PRRC2B: variants seen among roughly 807,000 people sequenced by gnomAD.
PRRC2B encodes the protein protein PRRC2B.
In PRRC2B, 68 loss-of-function variants were observed where a neutral mutation model predicts 242.3. The observed-to-expected ratio is 0.28, with a 90% confidence interval of 0.23 to 0.34. The LOEUF (loss-of-function observed/expected upper bound fraction) is 0.34. Ranked by LOEUF, PRRC2B falls within the 10% of genes least tolerant of loss-of-function variation. The pLI, the probability that PRRC2B is intolerant of heterozygous loss-of-function variation, is 1.00. For missense variants in PRRC2B, 2,835 were observed against 2,954.8 expected, an observed-to-expected ratio of 0.96 and a Z score of 0.94; for synonymous variants, 1,228 against 1,173.6, an observed-to-expected ratio of 1.05 and a Z score of -0.95.
At chr9:131,459,727 C>T (rs76436746) in intron 11 of PRRC2B, among the ~76,000 whole-genome samples, 8,624 of 152,062 alleles carry the variant, frequency 0.057, 329 homozygotes, top group Admixed American at 0.11. Context: ...TTTGTAGAGA[C>T]GAGGTCTTAC....
At chr9:131,422,082 G>T (rs898129955) in intron 1 of PRRC2B, among the ~76,000 whole-genome samples, 4 of 152,096 alleles carry the variant, frequency 2.6e-5, no homozygotes, top group Middle Eastern at 3.4e-3. Flanking sequence ...TAAGATGGGT[G>T]TCTCACTCTG....
intron 13 of PRRC2B, among the ~76,000 whole-genome samples, chr9:131,470,522 C>T (rs1263963273): frequency 6.6e-6 from 1 of 152,138 alleles, no homozygotes; most frequent in Non-Finnish European, 1.5e-5. Flanking sequence ...GAAAACCTAG[C>T]CTGTCTCGTG....
chr9:131,413,143 A>G (rs1837548614), intron 1 of PRRC2B, among the ~76,000 whole-genome samples: 1 of 152,208 alleles, frequency 6.6e-6, no homozygotes, highest in Admixed American at 6.5e-5. Flanking sequence ...GTATGCTTAT[A>G]CTGGTCCAAG....
At position 131,430,500 on chromosome 9, in the gene PRRC2B, TATAGATATCTATAG is replaced by T. The variant is rs1298150979; in HGVS notation, c.115+249_115+262del. Among the ~76,000 whole-genome samples, 6 of 57,492 alleles carry T rather than the reference TATAGATATCTATAG, an allele frequency of 1.0e-4. No individual in the cohort carries two copies. In the East Asian group the frequency reaches 0.021, roughly 200 times the overall value. 37.7% of individuals were successfully genotyped at this position (57,492 alleles called of 152,430 possible). ...CTTATTGAAGCTGGGGAGATATATC[TATAGATATCTATAG>T]ATAGATAGATAGATATCTATCTATA... On this transcript the variant is annotated intron_variant, in intron 2 of 31. Coordinates refer to ENST00000683519, the MANE Select transcript of PRRC2B (RefSeq NM_013318.4).
intron 1 of PRRC2B, among the ~76,000 whole-genome samples, chr9:131,376,357 A>C (rs1414645536): frequency 2.0e-5 from 3 of 151,526 alleles, no homozygotes; most frequent in African/African-American, 7.3e-5. Flanking sequence ...CCATCTCAAA[A>C]AAAAAAAAAA....
chr9:131,447,664 A>G lies in PRRC2B; in HGVS notation c.980A>G (p.Lys327Arg), dbSNP rs1217980877. 2.5e-6 allele frequency: 4 copies of G among 1,592,308 alleles called. No individual in the cohort carries two copies. In the Admixed American group the frequency reaches 7.1e-5, roughly 28 times the overall value. The change falls in exon 9 of 32, where the codon AAA becomes AGA. Residue 327 changes from lysine (K) to arginine (R), a missense_variant and splice_region_variant. Lys to Arg is a conservative substitution (Grantham distance 26). This residue lies in a region of PRRC2B where 626 missense variants were observed against 685.5 expected (regional missense o/e 0.91). Coordinates refer to ENST00000683519, the MANE Select transcript of PRRC2B (RefSeq NM_013318.4). ...RQFQMNDQDG[K>R]ENRLGLSRPL... is the part of the protein sequence containing the mutation. ...TCCATCATCTTTTCTTTTATCAGAA[A>G]AGAAAACAGGCTGGGATTGTCTCGC... is the stretch of plus-strand genomic sequence containing the variant.
rs1944071491 is a variant in PRRC2B at position 131,487,867 on chromosome 9, A to G, written c.5996A>G (p.Tyr1999Cys). The G allele has an allele frequency of 1.9e-6, 3 of 1,610,900 alleles. No individual in the cohort carries two copies. The highest frequency in any genetic ancestry group is 2.5e-6 in the Non-Finnish European group (3 of 1,177,488). ...TCTGGCTTTTGCAGATCTCAGGTGT[A>G]CATGCACCCCAGCCTGTCACCGCCC... ...SSLQPFRSQV[Y>C]MHPSLSPPST... Residue 1999 changes from tyrosine to cysteine, a missense_variant, in exon 28 of 32, where the codon TAC (tyrosine) becomes TGC (cysteine). Transcript: ENST00000683519. The surrounding 1 kb of genome is among the most constrained non-coding windows in gnomAD (Gnocchi z 5.3).
intron 19 of PRRC2B, among the ~76,000 whole-genome samples, chr9:131,480,310 A>G (rs1392080339): frequency 1.3e-5 from 2 of 152,246 alleles, no homozygotes; most frequent in Admixed American, 6.5e-5. Context: ...CAAACTACAA[A>G]ATAACATTCA....
At chr9:131,418,077 C>T (rs915451620) in intron 1 of PRRC2B, among the ~76,000 whole-genome samples, 5 of 152,190 alleles carry the variant, frequency 3.3e-5, no homozygotes, top group African/African-American at 7.2e-5. Flanking sequence ...TCCAAAGCCC[C>T]GGAGGCAGAG....
chr9:131,452,017 G>A lies in PRRC2B; in HGVS notation c.1121-3059G>A, dbSNP rs973183021. Reference sequence around the variant, plus strand: ...CTTTTAATGTCTTTGTCAGGTTTTGGTATCAAGTTATGCTGGGCTTATAAA... The same window carrying A: ...CTTTTAATGTCTTTGTCAGGTTTTGATATCAAGTTATGCTGGGCTTATAAA... On this transcript the variant is annotated intron_variant, in intron 9 of 31. Transcript: ENST00000683519. Among the ~76,000 whole-genome samples, 22 of 152,200 alleles carry A rather than the reference G, an allele frequency of 1.4e-4. 1 individual carries two copies. The highest frequency in any genetic ancestry group is 4.8e-4 in the African/African-American group (20 of 41,530).
At chr9:131,389,749 T>C (rs187178238), upstream of PRRC2B, among the ~76,000 whole-genome samples, 8 of 149,804 alleles carry the variant, frequency 5.3e-5, no homozygotes, top group African/African-American at 1.5e-4. Flanking sequence ...ACCATGGAGA[T>C]TGAGTGCTTA....
At chr9:131,403,223 G>A (rs1023157838) in intron 1 of PRRC2B, among the ~76,000 whole-genome samples, 8 of 152,190 alleles carry the variant, frequency 5.3e-5, no homozygotes, top group Non-Finnish European at 1.2e-4. Flanking sequence ...GACTGAATGG[G>A]CCAAGTGTTC....
At position 131,482,289 on chromosome 9, in the gene PRRC2B, G is replaced by A; in HGVS notation, c.4984-82G>A. On this transcript the variant is annotated intron_variant, in intron 20 of 31. Coordinates refer to ENST00000683519, the MANE Select transcript of PRRC2B (RefSeq NM_013318.4). The surrounding 1 kb of genome is among the most constrained non-coding windows in gnomAD (Gnocchi z 5.2). Reference sequence around the variant, plus strand: ...AGGGACAGGCAGCTGGGGTAGAAAAGTCTCTGTGCCACATGCAGTTTTACT... The same window carrying A: ...AGGGACAGGCAGCTGGGGTAGAAAAATCTCTGTGCCACATGCAGTTTTACT... 1 of 1,438,382 alleles carries A rather than the reference G, an allele frequency of 7.0e-7. No homozygotes were observed. The highest frequency in any genetic ancestry group is 9.4e-7 in the Non-Finnish European group (1 of 1,063,694). 89.1% of individuals were successfully genotyped at this position (1,438,382 alleles called of 1,614,324 possible).
At position 131,447,162 on chromosome 9, in the gene PRRC2B, A is replaced by C. The variant is rs1362763015; in HGVS notation, c.933A>C (p.Glu311Asp). ...GSFPLPQLRL[E>D]PRVPFRQFQM... ...TTCCCCTTCCTCAGCTCCGCCTTGA[A>C]CCTCGAGTTCCTTTTAGACAGTTCC... Residue 311 changes from glutamate to aspartate, a missense_variant, in exon 8 of 32, where the codon GAA becomes GAC. Around this residue, in one of 7 missense-constraint regions of PRRC2B, gnomAD observed 626 missense variants for 685.5 expected, o/e 0.91. Transcript: ENST00000683519. 1.9e-6 allele frequency: 3 copies of C among 1,613,958 alleles called. No homozygotes were observed. The highest frequency in any genetic ancestry group is 2.5e-6 in the Non-Finnish European group (3 of 1,179,884).
intron 31 of PRRC2B, 104 bp from the exon 32 acceptor site, chr9:131,495,636 G>C: frequency 7.5e-7 from 1 of 1,340,512 alleles, no homozygotes; most frequent in Non-Finnish European, 1.0e-6. Flanking sequence ...ACTTAGGGGA[G>C]CTTTCCCTGC....
At chr9:131,464,029 C>T (rs916162581) in intron 11 of PRRC2B, among the ~76,000 whole-genome samples, 5 of 151,846 alleles carry the variant, frequency 3.3e-5, no homozygotes, top group African/African-American at 1.2e-4. Context: ...GCAACTTCTA[C>T]CTCCCAGGTT....
chr9:131,478,069 A>C (rs566395150), intron 17 of PRRC2B, 120 bp downstream of exon 17: 1 of 844,490 alleles, frequency 1.2e-6, no homozygotes, highest in African/African-American at 1.7e-5. Context: ...CAGCTCGGCC[A>C]GGCCCTGGGC....
At chr9:131,453,138 T>G (rs896312760) in intron 9 of PRRC2B, among the ~76,000 whole-genome samples, 2 of 152,252 alleles carry the variant, frequency 1.3e-5, no homozygotes, top group African/African-American at 4.8e-5. Flanking sequence ...TCTATGCCTT[T>G]CTGGTGTGTT....
intron 5 of PRRC2B, among the ~76,000 whole-genome samples, chr9:131,439,721 A>G (rs2131339711): frequency 6.6e-6 from 1 of 152,266 alleles, no homozygotes; most frequent in Admixed American, 6.5e-5. Context: ...TCAATGTGCC[A>G]ATTGGATTTC....
Sources: allele counts gnomAD v4.1 joint callset (sites outside exome capture counted in the v4.1 genomes callset), GRCh38; gene constraint gnomAD v4.1.1; regional missense constraint gnomAD v4.1.1; non-coding constraint Gnocchi (gnomAD v3.1); transcripts MANE v1.5; gene names NCBI Gene and HGNC (gene_info 2026-07-23, HGNC 2026-07-21).